Variants in CDH13 observed in about 807,000 individuals in gnomAD.
CDH13 encodes the protein cadherin 13, also known as cadherin-13.
CDH13 carries 24 observed loss-of-function variants against 63.8 expected under a neutral mutation model. The ratio of observed to expected loss-of-function variants is 0.38; its 90% confidence interval spans 0.27 to 0.53. CDH13 has a LOEUF of 0.53. Ranked by LOEUF, CDH13 falls within the 20% of genes least tolerant of loss-of-function variation. The probability of loss-of-function intolerance (pLI) is 0.85; values close to 1 mark genes in which losing one functional copy is unlikely to be tolerated. For missense variants in CDH13, 1,049 were observed against 903.1 expected (o/e 1.16, Z -2.07); for synonymous variants, 503 against 355.3 (o/e 1.42, Z -4.67).
intron 5 of CDH13, among the ~76,000 whole-genome samples, chr16:83,334,894 CTAA>C (rs1225135734): frequency 5.3e-5 from 8 of 152,120 alleles, no homozygotes; most frequent in African/African-American, 1.9e-4. Flanking sequence ...ATATTTTCAT[CTAA>C]ATCTGCCTAC....
chr16:82,951,769 A>G (rs181360796), intron 2 of CDH13, among the ~76,000 whole-genome samples: 5 of 152,236 alleles, frequency 3.3e-5, no homozygotes, highest in Admixed American at 6.5e-5. Flanking sequence ...GGGGATTTTG[A>G]TGAATATTCA....
intron 6 of CDH13, among the ~76,000 whole-genome samples, chr16:83,401,825 T>G (rs569090332): frequency 1.6e-4 from 25 of 152,178 alleles, no homozygotes; most frequent in Non-Finnish European, 3.4e-4. Context: ...GGTGAAAAAC[T>G]TCTTTAGAAT....
chr16:82,858,517 T>C (rs769044310), intron 2 of CDH13, 44 bp downstream of exon 2: 1 of 1,113,972 alleles, frequency 9.0e-7, no homozygotes, highest in Non-Finnish European at 1.4e-6. Flanking sequence ...CTTCTCATAT[T>C]TGAATTTACT....
intron 6 of CDH13, among the ~76,000 whole-genome samples, chr16:83,485,690 A>G (rs1204179017): frequency 6.6e-6 from 1 of 152,070 alleles, no homozygotes. Flanking sequence ...CTCTGTATTC[A>G]TAATGCCCTC....
chr16:82,753,995 C>T (rs956427475), intron 1 of CDH13, among the ~76,000 whole-genome samples: 7 of 152,162 alleles, frequency 4.6e-5, no homozygotes, highest in African/African-American at 1.7e-4. Flanking sequence ...ACTCAGGAAC[C>T]CTCTAGGTCT....
At chr16:83,308,233 C>T (rs897814529) in intron 5 of CDH13, among the ~76,000 whole-genome samples, 1 of 152,172 alleles carries the variant, frequency 6.6e-6, no homozygotes, top group Non-Finnish European at 1.5e-5. Flanking sequence ...GACTAGCCTT[C>T]ATCTTTCCAA....
At chr16:83,653,864 A>C (rs11149592) in intron 8 of CDH13, among the ~76,000 whole-genome samples, 64,163 of 152,012 alleles carry the variant, frequency 0.42, 14,078 homozygotes, top group East Asian at 0.59. Flanking sequence ...GCATTAAGAA[A>C]GGCGCTCAGC....
At chr16:82,808,527 C>A (rs12600070) in intron 1 of CDH13, among the ~76,000 whole-genome samples, 27,402 of 152,152 alleles carry the variant, frequency 0.18, 3,302 homozygotes, top group East Asian at 0.6. Context: ...CGTGAACACA[C>A]ATGAAAAGGC....
At chr16:82,877,326 T>A (rs148496655) in intron 2 of CDH13, among the ~76,000 whole-genome samples, 2 of 152,356 alleles carry the variant, frequency 1.3e-5, no homozygotes, top group African/African-American at 4.8e-5. Context: ...TAAATTGATA[T>A]GCATGGATTG....
intron 2 of CDH13, among the ~76,000 whole-genome samples, chr16:83,007,262 G>C (rs1055333037): frequency 6.6e-6 from 1 of 152,156 alleles, no homozygotes; most frequent in Non-Finnish European, 1.5e-5. Flanking sequence ...TATGTTCATT[G>C]ACACATTACT....
intron 1 of CDH13, among the ~76,000 whole-genome samples, chr16:82,640,795 A>C (rs1038075318): frequency 6.6e-6 from 1 of 152,248 alleles, no homozygotes; most frequent in Non-Finnish European, 1.5e-5. Flanking sequence ...TAAAGATGCT[A>C]ATAGTCAACT....
intron 5 of CDH13, among the ~76,000 whole-genome samples, chr16:83,254,137 C>T (rs1196464049): frequency 6.6e-6 from 1 of 152,174 alleles, no homozygotes; most frequent in African/African-American, 2.4e-5. Flanking sequence ...GCCAAGCACC[C>T]TGGAGTTAGG....
intron 5 of CDH13, among the ~76,000 whole-genome samples, chr16:83,280,550 A>G (rs772039515): frequency 3.0e-4 from 45 of 152,198 alleles, no homozygotes; most frequent in Non-Finnish European, 5.7e-4. Context: ...ACCCCTGTTA[A>G]TGTTGATATT....
At chr16:82,954,187 A>T (rs1191716200) in intron 2 of CDH13, 2 of 152,164 alleles carry the variant, frequency 1.3e-5, no homozygotes, top group Non-Finnish European at 2.9e-5. Flanking sequence ...AGTGTAGAAC[A>T]CACCTTTGAG....
chr16:83,291,527 T>G (rs532038260), intron 5 of CDH13, among the ~76,000 whole-genome samples: 6 of 152,100 alleles, frequency 3.9e-5, no homozygotes, highest in Non-Finnish European at 8.8e-5. Flanking sequence ...GTCCTCAGAA[T>G]AGCATTTGCG....
At chr16:82,944,281 G>A (rs1481659743) in intron 2 of CDH13, among the ~76,000 whole-genome samples, 1 of 152,160 alleles carries the variant, frequency 6.6e-6, no homozygotes, top group Non-Finnish European at 1.5e-5. Flanking sequence ...CTTCTGGTAT[G>A]ACTTGCAGAG....
chr16:82,707,166 T>C (rs972453581), intron 1 of CDH13, among the ~76,000 whole-genome samples: 1 of 152,254 alleles, frequency 6.6e-6, no homozygotes, highest in Non-Finnish European at 1.5e-5. Context: ...GTTGATTTAG[T>C]TGTATCAAGC....
At chr16:82,750,395 T>C (rs571186869) in intron 1 of CDH13, among the ~76,000 whole-genome samples, 40 of 152,248 alleles carry the variant, frequency 2.6e-4, no homozygotes, top group Non-Finnish European at 4.3e-4. Flanking sequence ...TCAATCTTTA[T>C]CTTGTGATTT....
chr16:83,728,306 A>C (rs1416798459), intron 10 of CDH13, among the ~76,000 whole-genome samples: 2 of 139,094 alleles, frequency 1.4e-5, no homozygotes, highest in African/African-American at 5.3e-5. Context: ...CTAACAGTTG[A>C]ATGGCACTGG....
Sources: gnomAD v4.1 joint callset for allele counts (sites outside exome capture counted in the v4.1 genomes callset) on GRCh38, gnomAD v4.1.1 for gene constraint, MANE v1.5 for transcripts, NCBI Gene and HGNC (gene_info 2026-07-23, HGNC 2026-07-21) for gene names.